The following GBF1 variants were observed in gnomAD, a reference collection of about 807,000 sequenced individuals.
The protein encoded by GBF1 is golgi brefeldin A resistant guanine nucleotide exchange factor 1, also known as Golgi-specific brefeldin A-resistance guanine nucleotide exchange factor 1.
Under a neutral mutation model 210.5 loss-of-function variants are expected in GBF1, and 114 were observed. The ratio of observed to expected loss-of-function variants is 0.54; its 90% CI spans 0.47 to 0.63. The LOEUF (loss-of-function observed/expected upper bound fraction) is 0.63. Among genes scored for constraint, GBF1 ranks in the 30% least tolerant of loss-of-function variants. GBF1 has a pLI of 0.00. For missense variants in GBF1, 1,851 were observed against 2,357.7 expected, an observed-to-expected ratio of 0.79 and a Z score of 4.45; for synonymous variants, 850 against 889.2, an observed-to-expected ratio of 0.96 and a Z score of 0.78.
intron 4 of GBF1, among the ~76,000 whole-genome samples, chr10:102,347,447 C>T (rs1193966206): frequency 2.6e-5 from 4 of 152,190 alleles, no homozygotes; most frequent in African/African-American, 2.4e-5. Context: ...CAGTGGCTGC[C>T]GCTGCTGTGC....
intron 3 of GBF1, among the ~76,000 whole-genome samples, chr10:102,318,142 C>T (rs956833210): frequency 6.6e-6 from 1 of 152,046 alleles, no homozygotes; most frequent in African/African-American, 2.4e-5. Flanking sequence ...GTGATCCGCC[C>T]GGCCTCGGCC....
At chr10:102,371,154 A>G (rs904391573) in intron 29 of GBF1, among the ~76,000 whole-genome samples, 1 of 152,196 alleles carries the variant, frequency 6.6e-6, no homozygotes, top group Non-Finnish European at 1.5e-5. Context: ...TGTCATGCTT[A>G]TGACCCTCTT....
the GBF1 span, among the ~76,000 whole-genome samples, chr10:102,235,078 A>C: frequency 5.3e-5 from 8 of 152,040 alleles, no homozygotes; most frequent in African/African-American, 1.9e-4. Context: ...TGCCACATCC[A>C]GGCAGACAGA....
intron 3 of GBF1, among the ~76,000 whole-genome samples, chr10:102,326,120 A>G (rs927823950): frequency 6.6e-6 from 1 of 152,158 alleles, no homozygotes; most frequent in Non-Finnish European, 1.5e-5. Context: ...TTACTTGTCT[A>G]TTACTATGGT....
At chr10:102,353,863 A>G (rs1204372503) in intron 8 of GBF1, among the ~76,000 whole-genome samples, 1 of 152,196 alleles carries the variant, frequency 6.6e-6, no homozygotes, top group East Asian at 1.9e-4. Context: ...CTATCTTTGA[A>G]CCACCATGTA....
chr10:102,313,329 G>A (rs551168604), intron 3 of GBF1, among the ~76,000 whole-genome samples: 65 of 152,190 alleles, frequency 4.3e-4, no homozygotes, highest in Non-Finnish European at 6.9e-4. Context: ...GATTTACGAG[G>A]TGTGGGCCCT....
the GBF1 span, chr10:102,231,742 C>G: frequency 3.7e-6 from 6 of 1,609,728 alleles, no homozygotes; most frequent in Non-Finnish European, 5.1e-6. Context: ...TTTCAGCGAA[C>G]CGTCCTCTGG....
chr10:102,304,415 G>T (rs1229978110), intron 3 of GBF1, among the ~76,000 whole-genome samples: 1 of 152,004 alleles, frequency 6.6e-6, no homozygotes, highest in Non-Finnish European at 1.5e-5. Context: ...ATTTTGGAGT[G>T]GTAAAATAAA....
chr10:102,283,582 T>G (rs770495388), intron 3 of GBF1, among the ~76,000 whole-genome samples: 5 of 152,188 alleles, frequency 3.3e-5, no homozygotes, highest in Non-Finnish European at 7.3e-5. Flanking sequence ...ACAGCAAAGA[T>G]GTAACAGGTA....
Position 102,370,787 on chromosome 10 carries a change from T to C in GBF1, c.3587T>C (p.Leu1196Pro), listed in dbSNP as rs1554981137. Residue 1196 changes from leucine to proline, a missense_variant, in exon 29 of 40, where the codon CTT (leucine) becomes CCT (proline). Physicochemically the swap from Leu to Pro is moderately conservative, Grantham distance 98. Around this residue, in one of 3 missense-constraint regions of GBF1, gnomAD observed 967 missense variants for 1,247.7 expected, o/e 0.78. Coordinates refer to ENST00000369983, the MANE Select transcript of GBF1 (RefSeq NM_001377137.1). ...LCVQAQDFCF[L>P]VERAVVGLLR... ...GTTCAGGCACAAGATTTCTGCTTCC[T>C]TGTGGAGCGGGCAGTGGTGGGGTTG... 1.9e-6 allele frequency: 3 copies of C among 1,614,042 alleles called. No individual in the cohort carries two copies. The highest frequency in any genetic ancestry group is 2.5e-6 in the Non-Finnish European group (3 of 1,179,906).
chr10:102,351,400 G>A (rs1205786938), intron 5 of GBF1, 26 bp downstream of exon 5: 1 of 1,196,690 alleles, frequency 8.4e-7, no homozygotes, highest in Non-Finnish European at 1.3e-6. Context: ...ATAGCAATTA[G>A]GCTAATGGCC....
At chr10:102,308,773 C>T (rs1301505425) in intron 3 of GBF1, among the ~76,000 whole-genome samples, 2 of 150,874 alleles carry the variant, frequency 1.3e-5, no homozygotes, top group Admixed American at 1.3e-4. Flanking sequence ...ACACCTAATG[C>T]TAAATGATGA....
chr10:102,270,125 G>A (rs751539332), intron 3 of GBF1, among the ~76,000 whole-genome samples: 3 of 151,792 alleles, frequency 2.0e-5, no homozygotes, highest in South Asian at 2.1e-4. Context: ...TGATCTGCCC[G>A]TCTTGGCCTC....
At chr10:102,299,339 G>A (rs753697553) in intron 3 of GBF1, among the ~76,000 whole-genome samples, 1 of 152,144 alleles carries the variant, frequency 6.6e-6, no homozygotes, top group Non-Finnish European at 1.5e-5. Flanking sequence ...TGACTACCAT[G>A]GGGTAGTATG....
At chr10:102,301,193 A>T (rs373039377) in intron 3 of GBF1, among the ~76,000 whole-genome samples, 1 of 152,088 alleles carries the variant, frequency 6.6e-6, no homozygotes, top group Non-Finnish European at 1.5e-5. Context: ...CTTAATGAGC[A>T]TGCTGCCTTC....
At chr10:102,245,129 G>A (rs1405665914), upstream of GBF1, among the ~76,000 whole-genome samples, 1 of 152,140 alleles carries the variant, frequency 6.6e-6, no homozygotes, top group Non-Finnish European at 1.5e-5. Context: ...TTGATAATAC[G>A]TGGACAGGGG....
chr10:102,366,265 A>G lies in GBF1; in HGVS notation c.2310-118A>G, dbSNP rs2135145382. The G allele has an allele frequency of 2.0e-6, 2 of 1,010,186 alleles. No individual in the cohort carries two copies. The highest frequency in any genetic ancestry group is 2.0e-5 in the Admixed American group (1 of 49,684). The allele number at this position is 1,010,186 out of a possible 1,614,324, so 62.6% of individuals were successfully genotyped here. On this transcript the variant is annotated intron_variant, in intron 18 of 39. Coordinates refer to ENST00000369983, the MANE Select transcript of GBF1 (RefSeq NM_001377137.1). The surrounding 1 kb of genome is among the most constrained non-coding windows in gnomAD (Gnocchi z 4.0). ...GATGAACAGGAGATACTGCCCCTTT[A>G]CTAGAGACCTCAGCCTCCTCTCTTC...
intron 1 of GBF1, 33 bp from the exon 2 acceptor site, chr10:102,258,895 AT>A: frequency 8.9e-7 from 1 of 1,126,200 alleles, no homozygotes; most frequent in Non-Finnish European, 1.4e-6. Flanking sequence ...GTAACCAAAT[AT>A]TAACCAGACT....
intron 3 of GBF1, among the ~76,000 whole-genome samples, chr10:102,304,889 G>C (rs551337352): frequency 6.6e-6 from 1 of 151,810 alleles, no homozygotes; most frequent in African/African-American, 2.4e-5. Context: ...GTGCAAGCCT[G>C]TAGTCCCAGC....
Sources: gnomAD v4.1 joint callset for allele counts (sites outside exome capture counted in the v4.1 genomes callset) on GRCh38, gnomAD v4.1.1 for gene constraint, gnomAD v4.1.1 regional missense constraint, Gnocchi (gnomAD v3.1) non-coding constraint, MANE v1.5 for transcripts, NCBI Gene and HGNC (gene_info 2026-07-23, HGNC 2026-07-21) for gene names.